The following DES variants were observed in gnomAD, a reference collection of about 807,000 sequenced individuals.
The protein encoded by DES is cardiomyopathy, dilated 1F (autosomal dominant).
DES carries 34 observed loss-of-function variants against 55.1 expected under a neutral mutation model. The observed-to-expected ratio is 0.62, with a 90% CI of 0.47 to 0.82. DES has a LOEUF of 0.82. DES is among the 40% of genes least tolerant of loss of function. The pLI, the probability that DES is intolerant of heterozygous loss-of-function variation, is 0.00. For synonymous variants in DES, 259 were observed against 270.8 expected (o/e 0.96, Z 0.43); for missense variants, 596 against 645.9 (o/e 0.92, Z 0.84).
At position 219,419,162 on chromosome 2, in the gene DES, C is replaced by G; in HGVS notation, c.578+122C>G. ...CGGGGCCCGGGACCCTCTCCTGCCCCATGTGGAGAAAGGGTCCTCCACCTG... is the reference window on the plus strand; with the variant it reads ...CGGGGCCCGGGACCCTCTCCTGCCCGATGTGGAGAAAGGGTCCTCCACCTG... On this transcript the variant is annotated intron_variant, in intron 1 of 8. Transcript: ENST00000373960. The surrounding 1 kb of genome is among the most constrained non-coding windows in gnomAD (Gnocchi z 4.3). 6.6e-7 allele frequency: 1 copy of G among 1,505,738 alleles called. No homozygotes were observed. Among genetic ancestry groups the G allele is most frequent in the Non-Finnish European group, 8.8e-7 (1 of 1,131,174 alleles). The allele number at this position is 1,505,738 out of a possible 1,614,324, so 93.3% of individuals were successfully genotyped here. A position where few individuals can be genotyped will look rare whatever the true frequency, so the allele number is the denominator to read the frequency against.
chr2:219,420,292 C>T lies in DES; in HGVS notation c.681C>T (p.Arg227=), dbSNP rs113288175. 1.2e-6 allele frequency: 2 copies of T among 1,614,192 alleles called. No individual in the cohort carries two copies. Among genetic ancestry groups the T allele is most frequent in the African/African-American group, 1.3e-5 (1 of 75,032 alleles). Residue 227 remains arginine, a synonymous_variant, in exon 3 of 9, where the codon CGC becomes CGT. Coordinates refer to ENST00000373960, the MANE Select transcript of DES (RefSeq NM_001927.4). The surrounding 1 kb of genome is among the most constrained non-coding windows in gnomAD (Gnocchi z 6.0). The part of the protein sequence containing the change: ...AATLARIDLE[R]RIESLNEEIA... ...CTCTAGCTCGCATTGACCTGGAGCG[C>T]AGAATTGAATCTCTCAACGAGGAGA...
intron 6 of DES, among the ~76,000 whole-genome samples, chr2:219,423,164 C>G (rs116712518): frequency 0.021 from 3,243 of 152,268 alleles, 131 homozygotes; most frequent in African/African-American, 0.073. Context: ...CTACTAGTAC[C>G]AACTTCAGTG....
chr2:219,420,573 G>T lies in DES; in HGVS notation c.814G>T (p.Ala272Ser). ...EMDMSKPDLT[A>S]ALRDIRAQYE... is the part of the protein sequence containing the mutation. ...GGACATGTCTAAGCCAGACCTCACT[G>T]CCGCCCTCAGGGACATCCGGGCTCA... The change falls in exon 4 of 9, where the codon GCC (alanine) becomes TCC (serine). Residue 272 changes from alanine to serine, a missense_variant. Coordinates refer to ENST00000373960, the MANE Select transcript of DES (RefSeq NM_001927.4). The surrounding 1 kb of genome is among the most constrained non-coding windows in gnomAD (Gnocchi z 6.0). 2 of 1,613,982 alleles carry T rather than the reference G, an allele frequency of 1.2e-6. No homozygotes were observed. The highest frequency in any genetic ancestry group is 1.7e-6 in the Non-Finnish European group (2 of 1,179,994).
In DES at chr2:219,418,387, G is replaced by GCCGCA. The variant is rs1954354671; in HGVS notation, c.-75_-71dup. The GCCGCA allele has an allele frequency of 7.0e-7, 1 of 1,435,194 alleles. No homozygotes were observed. The highest frequency in any genetic ancestry group is 9.3e-7 in the Non-Finnish European group (1 of 1,080,288). The allele number at this position is 1,435,194 out of a possible 1,614,324, so 88.9% of individuals were successfully genotyped here. A position where few individuals can be genotyped will look rare whatever the true frequency, so the allele number is the denominator to read the frequency against. On this transcript the variant is annotated 5_prime_UTR_variant, in exon 1 of 9. Coordinates refer to ENST00000373960, the MANE Select transcript of DES (RefSeq NM_001927.4). The stretch of plus-strand genomic sequence containing the variant: ...ACGGCTGGGGGCCCTGTCTCCCCTC[G>GCCGCA]CCGCATCCACTCTCCGGCCGGCCGC...
rs941689098 is a variant in DES, at chr2:219,419,817, G to A, written c.579-278G>A. Among the ~76,000 whole-genome samples, 5 of 152,206 alleles carry A rather than the reference G, an allele frequency of 3.3e-5. No homozygotes were observed. Among genetic ancestry groups the A allele is most frequent in the Non-Finnish European group, 5.9e-5 (4 of 68,034 alleles). On this transcript the variant is annotated intron_variant, in intron 1 of 8. Transcript: ENST00000373960. This position sits in a 1 kb window ranked among gnomAD's most constrained non-coding sequence, Gnocchi z 4.3. ...TGGAGCTGGGAACCAGAAACACAGA[G>A]GTGGATAAAATAGACACAGTTTCTA...
At position 219,420,258 on chromosome 2, in the gene DES, A is replaced by AT; in HGVS notation, c.648dup (p.Ala217CysfsTer8). 6.2e-7 allele frequency: 1 copy of AT among 1,614,156 alleles called. No individual in the cohort carries two copies. Among genetic ancestry groups the AT allele is most frequent in the Non-Finnish European group, 8.5e-7 (1 of 1,180,038 alleles). On this transcript the variant is annotated frameshift_variant, in exon 3 of 9. Transcript: ENST00000373960. LOFTEE classifies it high-confidence loss of function. This position sits in a 1 kb window ranked among gnomAD's most constrained non-coding sequence, Gnocchi z 6.0. ...TCGCTTGGCCTCTCCCAGGACGTGGATGCAGCTACTCTAGCTCGCATTGAC... is the reference window on the plus strand; with the variant it reads ...TCGCTTGGCCTCTCCCAGGACGTGGATTGCAGCTACTCTAGCTCGCATTGAC...
In DES at chr2:219,418,516, C is replaced by T. The variant is rs1420981881; in HGVS notation, c.54C>T (p.Phe18=). The T allele has an allele frequency of 5.6e-6, 9 of 1,603,590 alleles. No homozygotes were observed. The highest frequency in any genetic ancestry group is 7.6e-6 in the Non-Finnish European group (9 of 1,176,776). ...SQRVSSYRRT[F]GGAPGFPLGS... is the part of the protein sequence containing the mutation. ...GCGTGTCCTCCTACCGCCGCACCTT[C>T]GGCGGGGCCCCGGGCTTCCCACTCG... Residue 18 remains phenylalanine (F), a synonymous_variant, in exon 1 of 9, where the codon TTC becomes TTT. Coordinates refer to ENST00000373960, the MANE Select transcript of DES (RefSeq NM_001927.4).
At position 219,419,695 on chromosome 2, in the gene DES, A is replaced by G. The variant is rs1954398102; in HGVS notation, c.579-400A>G. ...GAACGAAAAGGGCAGCAAGTGTAGC[A>G]TATTTGTTGGTCCCACTTCTGACAG... On this transcript the variant is annotated intron_variant, in intron 1 of 8. Coordinates refer to ENST00000373960, the MANE Select transcript of DES (RefSeq NM_001927.4). The surrounding 1 kb of genome is among the most constrained non-coding windows in gnomAD (Gnocchi z 4.3). 3.3e-5 allele frequency among the ~76,000 whole-genome samples: 5 copies of G among 152,342 alleles called. No individual in the cohort carries two copies. The South Asian group carries it at 1.0e-3, about 32-fold the overall frequency.
chr2:219,418,637 A>G lies in DES; in HGVS notation c.175A>G (p.Thr59Ala), dbSNP rs1424589081. The G allele has an allele frequency of 6.3e-7, 1 of 1,599,096 alleles. No individual in the cohort carries two copies. The highest frequency in any genetic ancestry group is 2.3e-5 in the East Asian group (1 of 44,444). Residue 59 changes from threonine to alanine, a missense_variant, in exon 1 of 9, where the codon ACG becomes GCG. By Grantham distance (58) the Thr-to-Ala change is moderately conservative (BLOSUM62 0). Coordinates refer to ENST00000373960, the MANE Select transcript of DES (RefSeq NM_001927.4). ...GTCCCGCGTGTACCAGGTGTCGCGCACGTCGGGCGGGGCCGGGGGCCTGGG... is the reference window on the plus strand; with the variant it reads ...GTCCCGCGTGTACCAGGTGTCGCGCGCGTCGGGCGGGGCCGGGGGCCTGGG... ...VTSRVYQVSRTSGGAGGLGSL... is the reference protein window; with the variant it reads ...VTSRVYQVSRASGGAGGLGSL...
At chr2:219,421,148 G>C (rs1954433289) in intron 5 of DES, among the ~76,000 whole-genome samples, 192 bp from the exon 6 acceptor site, 2 of 152,184 alleles carry the variant, frequency 1.3e-5, no homozygotes, top group Non-Finnish European at 2.9e-5. Context: ...ACCTATGTGG[G>C]GACTGTGAGG....
Position 219,418,437 on chromosome 2 carries a change from C to T in DES, c.-26C>T. 1 of 1,561,068 alleles carries T rather than the reference C, an allele frequency of 6.4e-7. No individual in the cohort carries two copies. The highest frequency in any genetic ancestry group is 8.6e-7 in the Non-Finnish European group (1 of 1,163,374). On this transcript the variant is annotated 5_prime_UTR_variant, in exon 1 of 9. Transcript: ENST00000373960. ...CCTGCCCGCCGCCTCCTCCGTGCGC[C>T]CGCCAGCCTCGCCCGCGCCGTCACC...
Position 219,418,670 on chromosome 2 carries a change from C to CGGGCCAGCCGGCTGG in DES, c.211_225dup (p.Ala71_Gly75dup). 3 of 1,579,748 alleles carry CGGGCCAGCCGGCTGG rather than the reference C, an allele frequency of 1.9e-6. No homozygotes were observed. The highest frequency in any genetic ancestry group is 2.6e-6 in the Non-Finnish European group (3 of 1,163,314). On this transcript the variant is annotated inframe_insertion, in exon 1 of 9. Transcript: ENST00000373960. ...CGGGGCCGGGGGCCTGGGGTCGCTG[C>CGGGCCAGCCGGCTGG]GGGCCAGCCGGCTGGGGACCACCCG...
At chr2:219,425,630 G>C (rs1405295155) in intron 7 of DES, 33 bp from the exon 8 acceptor site, 1 of 1,545,562 alleles carries the variant, frequency 6.5e-7, no homozygotes, top group Non-Finnish European at 8.8e-7. Flanking sequence ...CCTGGACTTG[G>C]TCAGGCTGAG....
At position 219,419,083 on chromosome 2, in the gene DES, CACA is replaced by C; in HGVS notation, c.578+44_578+46del. 6.5e-7 allele frequency: 1 copy of C among 1,535,434 alleles called. No homozygotes were observed. The highest frequency in any genetic ancestry group is 8.7e-7 in the Non-Finnish European group (1 of 1,146,572). On this transcript the variant is annotated intron_variant, in intron 1 of 8. Coordinates refer to ENST00000373960, the MANE Select transcript of DES (RefSeq NM_001927.4). The surrounding 1 kb of genome is among the most constrained non-coding windows in gnomAD (Gnocchi z 4.3). ...CAGACTCCTCTTTCTGCGGGCAGGG[CACA>C]GGAGGCTAGGCCTGGGGTCTGGGGT... is the stretch of plus-strand genomic sequence containing the variant.
At position 219,419,081 on chromosome 2, in the gene DES, G is replaced by C; in HGVS notation, c.578+41G>C. On this transcript the variant is annotated intron_variant, in intron 1 of 8. Coordinates refer to ENST00000373960, the MANE Select transcript of DES (RefSeq NM_001927.4). This position sits in a 1 kb window ranked among gnomAD's most constrained non-coding sequence, Gnocchi z 4.3. ...CCCAGACTCCTCTTTCTGCGGGCAG[G>C]GCACAGGAGGCTAGGCCTGGGGTCT... 1 of 1,535,346 alleles carries C rather than the reference G, an allele frequency of 6.5e-7. No homozygotes were observed.
Position 219,420,553 on chromosome 2 carries a change from T to G in DES, c.794T>G (p.Met265Arg). ...CAGCAGGTCCAGGTGGAGATGGACA[T>G]GTCTAAGCCAGACCTCACTGCCGCC... ...QEQQVQVEMD[M>R]SKPDLTAALR... Residue 265 changes from methionine (M) to arginine (R), a missense_variant, in exon 4 of 9, where the codon ATG becomes AGG. Transcript: ENST00000373960. This position sits in a 1 kb window ranked among gnomAD's most constrained non-coding sequence, Gnocchi z 6.0. The G allele has an allele frequency of 6.2e-7, 1 of 1,613,914 alleles. No homozygotes were observed. Among genetic ancestry groups the G allele is most frequent in the East Asian group, 2.2e-5 (1 of 44,840 alleles).
At chr2:219,424,396 A>C (rs1954499862) in intron 7 of DES, among the ~76,000 whole-genome samples, 1 of 152,240 alleles carries the variant, frequency 6.6e-6, no homozygotes, top group Non-Finnish European at 1.5e-5. Context: ...CCAACCCCAG[A>C]GAGCAGAGAA....
At chr2:219,423,867 G>A in intron 7 of DES, 47 bp downstream of exon 7, 2 of 1,603,238 alleles carry the variant, frequency 1.2e-6, no homozygotes, top group Non-Finnish European at 1.7e-6. Flanking sequence ...GGGGCCAGGA[G>A]TCCAGCATGG....
chr2:219,418,448 G>A lies in DES; in HGVS notation c.-15G>A. ...CCTCCTCCGTGCGCCCGCCAGCCTC[G>A]CCCGCGCCGTCACCATGAGCCAGGC... On this transcript the variant is annotated 5_prime_UTR_variant, in exon 1 of 9. Transcript: ENST00000373960. 1.9e-6 allele frequency: 3 copies of A among 1,574,072 alleles called. No homozygotes were observed. The highest frequency in any genetic ancestry group is 1.1e-5 in the South Asian group (1 of 87,730).
Sources: gnomAD v4.1 joint callset for allele counts (sites outside exome capture counted in the v4.1 genomes callset) on GRCh38, gnomAD v4.1.1 for gene constraint, Gnocchi (gnomAD v3.1) non-coding constraint, MANE v1.5 for transcripts, NCBI Gene and HGNC (gene_info 2026-07-23, HGNC 2026-07-21) for gene names.